Variants in CPA6 observed in about 807,000 individuals in gnomAD.
The protein encoded by CPA6 is carboxypeptidase A6.
A neutral mutation model predicts 63.3 loss-of-function variants in CPA6; 58 were observed. That is an observed-to-expected ratio of 0.92 (90% CI 0.74 to 1.14). The LOEUF (loss-of-function observed/expected upper bound fraction) is 1.14, where lower values mean the gene tolerates loss of function less well. Ranked by LOEUF, CPA6 falls within the 50% of genes most tolerant of loss-of-function variation. The pLI, the probability that CPA6 is intolerant of heterozygous loss-of-function variation, is 0.00. For synonymous variants in CPA6, 185 were observed against 179.0 expected (o/e 1.03, Z -0.27); for missense variants, 565 against 526.6 (o/e 1.07, Z -0.71).
intron 1 of CPA6, among the ~76,000 whole-genome samples, chr8:67,717,943 G>A (rs1227179684): frequency 6.6e-6 from 1 of 152,168 alleles, no homozygotes; most frequent in Non-Finnish European, 1.5e-5. Flanking sequence ...TTGACACCTT[G>A]ATTCTAGTCT....
At chr8:67,630,553 G>A (rs909864516) in intron 1 of CPA6, among the ~76,000 whole-genome samples, 1 of 152,244 alleles carries the variant, frequency 6.6e-6, no homozygotes, top group East Asian at 1.9e-4. Flanking sequence ...ATATGCTAAT[G>A]AGAGGTGACA....
chr8:67,434,624 G>A (rs1479139720), intron 8 of CPA6, among the ~76,000 whole-genome samples: 7 of 152,296 alleles, frequency 4.6e-5, no homozygotes, highest in East Asian at 3.9e-4. Flanking sequence ...TGCCTACAGC[G>A]TCTGCTCCAC....
At chr8:67,718,724 G>A (rs914545692) in intron 1 of CPA6, among the ~76,000 whole-genome samples, 1 of 150,614 alleles carries the variant, frequency 6.6e-6, no homozygotes, top group Admixed American at 6.6e-5. Context: ...TCAGCTCACT[G>A]CAAACTCCAA....
At chr8:67,515,855 C>T (rs1812134100) in intron 3 of CPA6, among the ~76,000 whole-genome samples, 1 of 152,168 alleles carries the variant, frequency 6.6e-6, no homozygotes, top group Admixed American at 6.5e-5. Flanking sequence ...TCTGAGCATC[C>T]AACTACTCAC....
chr8:67,505,816 A>C (rs1811915121), intron 6 of CPA6, among the ~76,000 whole-genome samples: 1 of 152,182 alleles, frequency 6.6e-6, no homozygotes, highest in Non-Finnish European at 1.5e-5. Context: ...AGAGTTTTCA[A>C]AGTTACAAAT....
chr8:67,736,395 T>C (rs190966091), intron 1 of CPA6, among the ~76,000 whole-genome samples: 194 of 152,320 alleles, frequency 1.3e-3, no homozygotes, highest in African/African-American at 3.8e-3. Context: ...CTTCTCAACC[T>C]ACCTGCTCTA....
At chr8:67,688,637 T>C (rs1485516431) in intron 1 of CPA6, among the ~76,000 whole-genome samples, 1 of 152,214 alleles carries the variant, frequency 6.6e-6, no homozygotes, top group African/African-American at 2.4e-5. Context: ...CTTCAGAGAA[T>C]GCCCCAATCT....
chr8:67,719,947 G>C (rs1250989250), intron 1 of CPA6, among the ~76,000 whole-genome samples: 2 of 152,166 alleles, frequency 1.3e-5, no homozygotes, highest in African/African-American at 4.8e-5. Flanking sequence ...ATATGGGACT[G>C]AGTTGTGGGT....
chr8:67,671,680 T>A (rs746814242), intron 1 of CPA6, among the ~76,000 whole-genome samples: 46 of 152,340 alleles, frequency 3.0e-4, no homozygotes, highest in Admixed American at 5.2e-4. Flanking sequence ...ATTTCCCTAT[T>A]GCTAAGAAAA....
intron 2 of CPA6, among the ~76,000 whole-genome samples, chr8:67,557,784 A>C (rs1050341081): frequency 6.6e-6 from 1 of 152,206 alleles, no homozygotes; most frequent in African/African-American, 2.4e-5. Flanking sequence ...TAAGGAATAG[A>C]CACTAAACAC....
At chr8:67,504,459 G>A (rs574748077) in intron 6 of CPA6, among the ~76,000 whole-genome samples, 1 of 152,296 alleles carries the variant, frequency 6.6e-6, no homozygotes, top group South Asian at 2.1e-4. Flanking sequence ...AAGAACCGTG[G>A]TTTCCATCTG....
intron 2 of CPA6, among the ~76,000 whole-genome samples, chr8:67,622,030 T>C (rs571125168): frequency 1.3e-5 from 2 of 152,362 alleles, no homozygotes; most frequent in East Asian, 3.9e-4. Context: ...TCCTCACAGA[T>C]GTAATTTTAT....
chr8:67,492,131 T>C (rs1483353546), intron 6 of CPA6, among the ~76,000 whole-genome samples: 1 of 152,174 alleles, frequency 6.6e-6, no homozygotes, highest in Non-Finnish European at 1.5e-5. Context: ...AAATGGAGCT[T>C]AGAACAAATA....
chr8:67,538,370 TG>T (rs1812632471), intron 2 of CPA6, among the ~76,000 whole-genome samples: 1 of 152,222 alleles, frequency 6.6e-6, no homozygotes, highest in African/African-American at 2.4e-5. Flanking sequence ...TGGGTGCTCC[TG>T]TATTGGGTGC....
At chr8:67,539,946 A>G (rs774044123) in intron 2 of CPA6, among the ~76,000 whole-genome samples, 17 of 151,874 alleles carry the variant, frequency 1.1e-4, no homozygotes, top group Non-Finnish European at 2.4e-4. Context: ...GTTAGAACAC[A>G]CTCCTTTAGC....
At position 67,428,097 on chromosome 8, in the gene CPA6, T is replaced by G. The variant is rs780854352; in HGVS notation, c.1076A>C (p.Gln359Pro). ...SAAYKAVNALQSVYGVRYRYG... is the reference protein window; with the variant it reads ...SAAYKAVNALPSVYGVRYRYG... ...TCTGTATCGTACCCCGTATACTGAC[T>G]GAAGTGCATTCACAGCTTTATAAGC... Residue 359 changes from glutamine to proline, a missense_variant, in exon 10 of 11, where the codon CAG becomes CCG. Coordinates refer to ENST00000297770, the MANE Select transcript of CPA6 (RefSeq NM_020361.5). 6.2e-7 allele frequency: 1 copy of G among 1,613,370 alleles called. No individual in the cohort carries two copies. Among genetic ancestry groups the G allele is most frequent in the Non-Finnish European group, 8.5e-7 (1 of 1,179,414 alleles).
chr8:67,666,841 C>G (rs1219217074), intron 1 of CPA6, among the ~76,000 whole-genome samples: 2 of 152,120 alleles, frequency 1.3e-5, no homozygotes, highest in Admixed American at 6.5e-5. Context: ...TTGACACTCT[C>G]GATCATTCTT....
At chr8:67,717,825 A>G (rs1817411195) in intron 1 of CPA6, among the ~76,000 whole-genome samples, 1 of 152,184 alleles carries the variant, frequency 6.6e-6, no homozygotes, top group Admixed American at 6.5e-5. Context: ...CAATAGGACC[A>G]TGGAGGAAGA....
chr8:67,699,103 G>C (rs1816967411), intron 1 of CPA6, among the ~76,000 whole-genome samples: 1 of 152,102 alleles, frequency 6.6e-6, no homozygotes, highest in Non-Finnish European at 1.5e-5. Context: ...TGGGCACTTG[G>C]AGCCAAACAA....
Sources: gnomAD v4.1 joint callset for allele counts (sites outside exome capture counted in the v4.1 genomes callset) on GRCh38, gnomAD v4.1.1 for gene constraint, MANE v1.5 for transcripts, NCBI Gene and HGNC (gene_info 2026-07-23, HGNC 2026-07-21) for gene names.